ARHGEF26: variants seen among roughly 807,000 people sequenced by gnomAD.
ARHGEF26 encodes Rho guanine nucleotide exchange factor 26.
Under a neutral mutation model 89.4 loss-of-function variants are expected in ARHGEF26, and 59 were observed. The ratio of observed to expected loss-of-function variants is 0.66; its 90% CI spans 0.54 to 0.82. The LOEUF (loss-of-function observed/expected upper bound fraction) is 0.82, where lower values mean the gene tolerates loss of function less well. Ranked by LOEUF, ARHGEF26 falls within the 40% of genes least tolerant of loss-of-function variation. The probability of loss-of-function intolerance (pLI) is 0.00; values close to 1 mark genes in which losing one functional copy is unlikely to be tolerated. For synonymous variants in ARHGEF26, 500 were observed against 428.4 expected (o/e 1.17, Z -2.06); for missense variants, 1,234 against 1,085.6 (o/e 1.14, Z -1.92).
At chr3:154,214,517 G>A (rs567432192) in intron 9 of ARHGEF26, among the ~76,000 whole-genome samples, 1 of 152,252 alleles carries the variant, frequency 6.6e-6, no homozygotes, top group Admixed American at 6.5e-5. Flanking sequence ...ATGATGCTGA[G>A]TTGAGTCACC....
At chr3:154,150,906 T>C (rs1719982729) in intron 5 of ARHGEF26, among the ~76,000 whole-genome samples, 1 of 152,226 alleles carries the variant, frequency 6.6e-6, no homozygotes, top group Non-Finnish European at 1.5e-5. Flanking sequence ...GATGGTATTA[T>C]TGCAGGATAT....
intron 4 of ARHGEF26, among the ~76,000 whole-genome samples, chr3:154,143,710 C>G (rs1719522474): frequency 6.6e-6 from 1 of 152,194 alleles, no homozygotes; most frequent in Non-Finnish European, 1.5e-5. Context: ...TGCTATAAGT[C>G]TGGTCTGTCC....
intron 9 of ARHGEF26, among the ~76,000 whole-genome samples, chr3:154,209,448 C>G (rs183752147): frequency 2.0e-5 from 3 of 152,278 alleles, no homozygotes; most frequent in Non-Finnish European, 4.4e-5. Context: ...GTGTTGTGAT[C>G]TAAGCTGTAT....
chr3:154,143,889 A>G (rs1181005184), intron 4 of ARHGEF26, among the ~76,000 whole-genome samples: 1 of 152,258 alleles, frequency 6.6e-6, no homozygotes, highest in Non-Finnish European at 1.5e-5. Context: ...GCTGATAGAT[A>G]CATGAGAACT....
chr3:154,228,924 C>T (rs916089148), intron 11 of ARHGEF26, among the ~76,000 whole-genome samples: 9 of 152,206 alleles, frequency 5.9e-5, no homozygotes, highest in Admixed American at 3.9e-4. Context: ...AGGAACTTAG[C>T]AGCTGGGCTT....
intron 6 of ARHGEF26, among the ~76,000 whole-genome samples, chr3:154,174,938 GA>G (rs1171372422): frequency 6.6e-6 from 1 of 152,058 alleles, no homozygotes; most frequent in South Asian, 2.1e-4. Flanking sequence ...ACATTGCAAA[GA>G]AAAATGATGG....
In ARHGEF26 at chr3:154,256,005, T is replaced by C. The variant is rs1003473812; in HGVS notation, c.*532T>C. On this transcript the variant is annotated 3_prime_UTR_variant, in exon 15 of 15. Transcript: ENST00000465093. ...CTGGTAGAGTTCAGAAGGTGAGCTGTTGTTTTTCTAAACCTCTTCCCAGGA... is the reference window on the plus strand; with the variant it reads ...CTGGTAGAGTTCAGAAGGTGAGCTGCTGTTTTTCTAAACCTCTTCCCAGGA... The C allele has an allele frequency of 7.1e-6, 7 of 985,776 alleles. No individual in the cohort carries two copies. In the African/African-American group the frequency reaches 1.2e-4, roughly 17 times the overall value. The allele number at this position is 985,776 out of a possible 1,614,324, so 61.1% of individuals were successfully genotyped here.
intron 9 of ARHGEF26, among the ~76,000 whole-genome samples, chr3:154,206,053 C>T (rs1714999237): frequency 1.3e-5 from 2 of 151,996 alleles, no homozygotes; most frequent in South Asian, 4.2e-4. Flanking sequence ...CTTCCTTTAG[C>T]ATTTCTTGCA....
intron 9 of ARHGEF26, among the ~76,000 whole-genome samples, chr3:154,195,308 G>A (rs900540763): frequency 6.6e-6 from 1 of 152,218 alleles, no homozygotes; most frequent in African/African-American, 2.4e-5. Context: ...TGGCTAGGAT[G>A]CAATCTGAGA....
At chr3:154,140,615 A>G (rs1432096925) in intron 4 of ARHGEF26, among the ~76,000 whole-genome samples, 1 of 130,622 alleles carries the variant, frequency 7.7e-6, no homozygotes, top group Admixed American at 8.7e-5. Context: ...GAGATAGTCT[A>G]ACTCTGTTGC....
At chr3:154,125,052 T>C (rs1433409819) in intron 3 of ARHGEF26, among the ~76,000 whole-genome samples, 1 of 151,008 alleles carries the variant, frequency 6.6e-6, no homozygotes, top group East Asian at 1.9e-4. Flanking sequence ...AATAGATGGG[T>C]CAAGCGTCAG....
Position 154,122,931 on chromosome 3 carries a change from G to A in ARHGEF26, c.939G>A (p.Arg313=). ...CAGGGTCTCTGCGGAGAGGCTTGCGGTCCACGTCTTATCGCAGGGCAGTGG... is the reference window on the plus strand; with the variant it reads ...CAGGGTCTCTGCGGAGAGGCTTGCGATCCACGTCTTATCGCAGGGCAGTGG... ...DSPGSLRRGL[R]STSYRRAVVS... The change falls in exon 2 of 15, where the codon CGG becomes CGA. Residue 313 remains arginine (R), a synonymous_variant. Coordinates refer to ENST00000465093, the MANE Select transcript of ARHGEF26 (RefSeq NM_015595.4). 1 of 1,613,378 alleles carries A rather than the reference G, an allele frequency of 6.2e-7. No homozygotes were observed. Among genetic ancestry groups the A allele is most frequent in the Middle Eastern group, 1.6e-4 (1 of 6,062 alleles).
intron 6 of ARHGEF26, among the ~76,000 whole-genome samples, chr3:154,185,190 C>A (rs1713447870): frequency 6.6e-6 from 1 of 152,110 alleles, no homozygotes; most frequent in Non-Finnish European, 1.5e-5. Flanking sequence ...AACCGACTCT[C>A]TAACCCTTGA....
At chr3:154,183,721 G>T (rs1331819486) in intron 6 of ARHGEF26, among the ~76,000 whole-genome samples, 1 of 152,158 alleles carries the variant, frequency 6.6e-6, no homozygotes, top group Non-Finnish European at 1.5e-5. Flanking sequence ...TTATATTGAA[G>T]TAAGTAGCAT....
At chr3:154,213,569 T>A (rs1715533280) in intron 9 of ARHGEF26, among the ~76,000 whole-genome samples, 2 of 152,174 alleles carry the variant, frequency 1.3e-5, no homozygotes, top group African/African-American at 2.4e-5. Context: ...GCTGATGGGC[T>A]CAGAATTTGG....
chr3:154,228,940 G>A (rs1278342212), intron 11 of ARHGEF26, among the ~76,000 whole-genome samples: 2 of 152,162 alleles, frequency 1.3e-5, no homozygotes, highest in Non-Finnish European at 2.9e-5. Context: ...GGCTTCCAGT[G>A]GTTTTCCTCT....
chr3:154,140,095 A>G (rs1407339958), intron 4 of ARHGEF26, among the ~76,000 whole-genome samples: 2 of 60,866 alleles, frequency 3.3e-5, no homozygotes, highest in Admixed American at 2.2e-4. Flanking sequence ...GAGCCCTTAT[A>G]TCCACATGGG....
At chr3:154,164,169 C>G (rs1711843980) in intron 6 of ARHGEF26, among the ~76,000 whole-genome samples, 1 of 151,946 alleles carries the variant, frequency 6.6e-6, no homozygotes, top group Non-Finnish European at 1.5e-5. Context: ...GATATAAATA[C>G]TGAGCAACCT....
chr3:154,226,660 TACACACACACACACACACACAC>T (rs3029724), intron 11 of ARHGEF26, among the ~76,000 whole-genome samples: 1 of 148,066 alleles, frequency 6.8e-6, no homozygotes, highest in Non-Finnish European at 1.5e-5. Context: ...GTTTCTGTTC[TACACACACACACACACACACAC>T]ACACACACAC....
Sources: gnomAD v4.1 joint callset for allele counts (sites outside exome capture counted in the v4.1 genomes callset) on GRCh38, gnomAD v4.1.1 for gene constraint, MANE v1.5 for transcripts, NCBI Gene and HGNC (gene_info 2026-07-23, HGNC 2026-07-21) for gene names.